CNOT2: variants seen among roughly 807,000 people sequenced by gnomAD.
CNOT2 encodes the protein CC chemokine receptor 4-negative regulator of transcription 2.
In CNOT2, 7 loss-of-function variants were observed where a neutral mutation model predicts 72.1. The ratio of observed to expected loss-of-function variants is 0.10; its 90% CI spans 0.06 to 0.18. The LOEUF is 0.18. Among genes scored for constraint, CNOT2 ranks in the 10% least tolerant of loss-of-function variants. CNOT2 has a pLI of 1.00. For synonymous variants in CNOT2, 196 were observed against 225.6 expected (o/e 0.87, Z 1.17); for missense variants, 345 against 660.3 (o/e 0.52, Z 5.23).
chr12:70,338,583 T>C lies in CNOT2; in HGVS notation c.1021+20T>C, dbSNP rs1052631670. Reference sequence around the variant, plus strand: ...CTGATGGTGGGACTCTAGAAATCTATGTCAAAGATATTATAGAATGCTTTT... The same window carrying C: ...CTGATGGTGGGACTCTAGAAATCTACGTCAAAGATATTATAGAATGCTTTT... On this transcript the variant is annotated intron_variant, in intron 10 of 15. Coordinates refer to ENST00000229195, the MANE Select transcript of CNOT2 (RefSeq NM_014515.7). 1.2e-6 allele frequency: 2 copies of C among 1,601,962 alleles called. No individual in the cohort carries two copies. Among genetic ancestry groups the C allele is most frequent in the Non-Finnish European group, 1.7e-6 (2 of 1,176,600 alleles).
intron 13 of CNOT2, 104 bp downstream of exon 13, chr12:70,342,411 C>G: frequency 7.7e-7 from 1 of 1,299,168 alleles, no homozygotes; most frequent in Middle Eastern, 2.7e-4. Context: ...TAGTAATGGT[C>G]TCAGGGATAT....
At chr12:70,258,232 A>C (rs938429224) in intron 1 of CNOT2, among the ~76,000 whole-genome samples, 1 of 152,190 alleles carries the variant, frequency 6.6e-6, no homozygotes, top group African/African-American at 2.4e-5. Context: ...AGCATCACAC[A>C]ATTATGAGAC....
Position 70,346,351 on chromosome 12 carries a change from A to G in CNOT2, c.1536+27A>G, listed in dbSNP as rs200073311. 112 of 1,588,216 alleles carry G rather than the reference A, an allele frequency of 7.1e-5. No individual in the cohort carries two copies. In the East Asian group the frequency reaches 2.3e-3, roughly 32 times the overall value. The stretch of plus-strand genomic sequence containing the variant: ...TATATTTCTTTCCATGTGCAAATGT[A>G]TAAATCTAAACTTGAAAAAAGAAGT... On this transcript the variant is annotated intron_variant, in intron 15 of 15. Coordinates refer to ENST00000229195, the MANE Select transcript of CNOT2 (RefSeq NM_014515.7).
intron 1 of CNOT2, among the ~76,000 whole-genome samples, chr12:70,262,663 A>G (rs879048394): frequency 7.0e-6 from 1 of 142,672 alleles, no homozygotes; most frequent in Non-Finnish European, 1.5e-5. Context: ...ATTTTGCCTT[A>G]TTTTTTTTTC....
intron 2 of CNOT2, among the ~76,000 whole-genome samples, chr12:70,301,278 A>T (rs1248994262): frequency 6.6e-6 from 1 of 152,114 alleles, no homozygotes; most frequent in African/African-American, 2.4e-5. Flanking sequence ...GTGGTGAGAG[A>T]GGGCATCCTT....
intron 1 of CNOT2, among the ~76,000 whole-genome samples, chr12:70,257,392 G>A (rs1207470388): frequency 1.6e-5 from 2 of 127,802 alleles, no homozygotes; most frequent in Non-Finnish European, 3.1e-5. Flanking sequence ...ACGGAGTCTC[G>A]CTCTTTCGCC....
At chr12:70,349,152 G>A (rs1349134093) in intron 15 of CNOT2, among the ~76,000 whole-genome samples, 1 of 152,102 alleles carries the variant, frequency 6.6e-6, no homozygotes, top group African/African-American at 2.4e-5. Context: ...TTTTGAAGTT[G>A]CAGTATATTA....
At chr12:70,295,277 G>A (rs1254303682) in intron 2 of CNOT2, among the ~76,000 whole-genome samples, 1 of 152,178 alleles carries the variant, frequency 6.6e-6, no homozygotes, top group African/African-American at 2.4e-5. Context: ...GGTTAAAAGA[G>A]ATTGGGGTTC....
chr12:70,335,666 G>C (rs1242159034), intron 8 of CNOT2, 103 bp downstream of exon 8: 4 of 786,768 alleles, frequency 5.1e-6, no homozygotes, highest in South Asian at 2.1e-5. Flanking sequence ...GTGTACACAT[G>C]TATGTTTGCA....
chr12:70,254,988 AAAAAAAAAAAG>A (rs1293838463), intron 1 of CNOT2, among the ~76,000 whole-genome samples: 2 of 151,410 alleles, frequency 1.3e-5, no homozygotes, highest in African/African-American at 4.8e-5. Context: ...CTCAAAAAAA[AAAAAAAAAAAG>A]AAGAAGAAGA....
At chr12:70,311,807 T>G (rs1251199076) in intron 3 of CNOT2, among the ~76,000 whole-genome samples, 1 of 151,980 alleles carries the variant, frequency 6.6e-6, no homozygotes, top group African/African-American at 2.4e-5. Flanking sequence ...AATCTCCTTA[T>G]GTATAAAACA....
chr12:70,346,374 AGTGT>A, intron 15 of CNOT2, 50 bp downstream of exon 15: 1 of 1,478,148 alleles, frequency 6.8e-7, no homozygotes, highest in Non-Finnish European at 9.4e-7. Context: ...TGAAAAAAGA[AGTGT>A]CCTCTTTTAT....
At chr12:70,333,796 T>G (rs1320372780) in intron 7 of CNOT2, among the ~76,000 whole-genome samples, 1 of 152,002 alleles carries the variant, frequency 6.6e-6, no homozygotes, top group Non-Finnish European at 1.5e-5. Flanking sequence ...GTGTTCAAGA[T>G]GTAGTATGAA....
intron 1 of CNOT2, among the ~76,000 whole-genome samples, chr12:70,274,742 C>T: frequency 6.6e-6 from 1 of 152,042 alleles, no homozygotes; most frequent in Non-Finnish European, 1.5e-5. Flanking sequence ...GTAATTTTGC[C>T]TTTTCCATAA....
At chr12:70,318,516 C>T (rs17107961) in intron 3 of CNOT2, among the ~76,000 whole-genome samples, 6,812 of 151,822 alleles carry the variant, frequency 0.045, 647 homozygotes, top group East Asian at 0.44. Flanking sequence ...ACTGCATATT[C>T]TTGAGGGAAG....
At chr12:70,271,820 G>C (rs1959274604) in intron 1 of CNOT2, among the ~76,000 whole-genome samples, 1 of 152,148 alleles carries the variant, frequency 6.6e-6, no homozygotes, top group Non-Finnish European at 1.5e-5. Flanking sequence ...TTAAATTTCA[G>C]AAAGATTCTG....
At chr12:70,299,212 TA>T (rs1204591965) in intron 2 of CNOT2, among the ~76,000 whole-genome samples, 1 of 151,778 alleles carries the variant, frequency 6.6e-6, no homozygotes, top group East Asian at 1.9e-4. Flanking sequence ...TCATGAGACT[TA>T]TTTTTTTTTT....
At chr12:70,278,334 A>C in intron 2 of CNOT2, 60 bp downstream of exon 2, 1 of 1,266,906 alleles carries the variant, frequency 7.9e-7, no homozygotes, top group African/African-American at 1.5e-5. Flanking sequence ...GAAACTGTTC[A>C]AATGTGTTAT....
intron 3 of CNOT2, among the ~76,000 whole-genome samples, chr12:70,315,948 C>T (rs1385604089): frequency 6.6e-6 from 1 of 152,162 alleles, no homozygotes; most frequent in African/African-American, 2.4e-5. Flanking sequence ...TGAATGCCCC[C>T]TCTCACTCCT....
Sources: allele counts gnomAD v4.1 joint callset (sites outside exome capture counted in the v4.1 genomes callset), GRCh38; gene constraint gnomAD v4.1.1; transcripts MANE v1.5; gene names NCBI Gene and HGNC (gene_info 2026-07-23, HGNC 2026-07-21).